The following HOMER2 variants were observed in gnomAD, a reference collection of about 807,000 sequenced individuals.
HOMER2 encodes homer scaffold protein 2.
Under a neutral mutation model 47.0 loss-of-function variants are expected in HOMER2, and 27 were observed. The ratio of observed to expected loss-of-function variants is 0.57; its 90% CI spans 0.42 to 0.79. The LOEUF (loss-of-function observed/expected upper bound fraction) is 0.79, where lower values mean the gene tolerates loss of function less well. Ranked by LOEUF, HOMER2 falls within the 30% of genes least tolerant of loss-of-function variation. The probability of loss-of-function intolerance (pLI) is 0.00; values close to 1 mark genes in which losing one functional copy is unlikely to be tolerated. For missense variants in HOMER2, 443 were observed against 435.0 expected (o/e 1.02, Z -0.16); for synonymous variants, 161 against 163.8 (o/e 0.98, Z 0.13).
intron 1 of HOMER2, among the ~76,000 whole-genome samples, chr15:82,900,486 AC>A (rs2053080418): frequency 1.3e-5 from 2 of 151,830 alleles, no homozygotes; most frequent in African/African-American, 4.8e-5. Context: ...TCACTGGAAA[AC>A]TCTATGTGAG....
chr15:82,983,621 C>T (rs970613905), intron 1 of HOMER2, among the ~76,000 whole-genome samples: 1 of 151,812 alleles, frequency 6.6e-6, no homozygotes, highest in African/African-American at 2.4e-5. Flanking sequence ...TGGAGTCTCA[C>T]TCTGTCGCCC....
chr15:82,921,004 A>G (rs558225132), intron 1 of HOMER2, among the ~76,000 whole-genome samples: 1 of 152,286 alleles, frequency 6.6e-6, no homozygotes, highest in East Asian at 1.9e-4. Flanking sequence ...CTTAAAAAAA[A>G]TGATTTTCAG....
intron 3 of HOMER2, among the ~76,000 whole-genome samples, chr15:82,866,662 G>A (rs752079933): frequency 1.1e-4 from 17 of 152,252 alleles, no homozygotes; most frequent in South Asian, 2.1e-4. Context: ...TCATCGGGGC[G>A]GGTCTCTCCT....
At chr15:82,915,153 A>G (rs1395091511) in intron 1 of HOMER2, among the ~76,000 whole-genome samples, 2 of 152,032 alleles carry the variant, frequency 1.3e-5, no homozygotes, top group African/African-American at 4.8e-5. Context: ...GAAAAAAAAA[A>G]AAAATCAACT....
intron 1 of HOMER2, among the ~76,000 whole-genome samples, chr15:82,977,035 T>A (rs1049976851): frequency 6.6e-6 from 1 of 152,066 alleles, no homozygotes; most frequent in Admixed American, 6.6e-5. Flanking sequence ...AGAAATATAT[T>A]GTATAGCAAT....
chr15:82,906,998 C>G (rs1046493623), intron 1 of HOMER2, among the ~76,000 whole-genome samples: 1 of 152,110 alleles, frequency 6.6e-6, no homozygotes, highest in Non-Finnish European at 1.5e-5. Flanking sequence ...GACAGAACTA[C>G]AAGAAAAAAA....
downstream of HOMER2, among the ~76,000 whole-genome samples, chr15:82,848,622 T>C (rs2051290027): frequency 6.6e-6 from 1 of 152,202 alleles, no homozygotes; most frequent in South Asian, 2.1e-4. Context: ...CCCCCCGAAA[T>C]GCCTGTGATT....
intron 5 of HOMER2, 29 bp from the exon 6 acceptor site, chr15:82,854,829 G>A (rs77727869): frequency 8.1e-6 from 13 of 1,596,576 alleles, no homozygotes; most frequent in African/African-American, 5.3e-5. Context: ...CGGTGACGAC[G>A]GGGTGGGTGC....
intron 1 of HOMER2, among the ~76,000 whole-genome samples, chr15:82,959,813 A>T (rs1849997355): frequency 6.6e-6 from 1 of 152,214 alleles, no homozygotes; most frequent in African/African-American, 2.4e-5. Flanking sequence ...AACAAAAAGG[A>T]GGACACCCAG....
chr15:82,981,859 A>G (rs527494908), intron 1 of HOMER2, among the ~76,000 whole-genome samples: 1 of 152,320 alleles, frequency 6.6e-6, no homozygotes, highest in Admixed American at 6.5e-5. Context: ...AGAGGAAAAT[A>G]CAGTTATGGT....
At chr15:82,859,673 C>G (rs2051708815) in intron 4 of HOMER2, among the ~76,000 whole-genome samples, 1 of 152,180 alleles carries the variant, frequency 6.6e-6, no homozygotes, top group Non-Finnish European at 1.5e-5. Context: ...GTTGTTTGCC[C>G]ACTCCCTTAC....
intron 3 of HOMER2, among the ~76,000 whole-genome samples, chr15:82,874,072 T>G (rs1309315194): frequency 6.6e-6 from 1 of 152,218 alleles, no homozygotes; most frequent in Non-Finnish European, 1.5e-5. Context: ...TAGGCAACTC[T>G]GTCAATTCCC....
At chr15:82,917,108 T>C (rs963532353) in intron 1 of HOMER2, among the ~76,000 whole-genome samples, 3 of 152,214 alleles carry the variant, frequency 2.0e-5, no homozygotes, top group Non-Finnish European at 4.4e-5. Flanking sequence ...CCCAGAGCCC[T>C]CATTTTACAA....
chr15:82,840,326 A>G (rs1301103564), exon 2 of HOMER2: 1 of 152,224 alleles, frequency 6.6e-6, no homozygotes. Flanking sequence ...AAGATCAATG[A>G]AACAGAGTAA....
chr15:82,945,019 C>T (rs541127789), intron 1 of HOMER2, among the ~76,000 whole-genome samples: 6 of 152,146 alleles, frequency 3.9e-5, no homozygotes, highest in African/African-American at 1.2e-4. Context: ...AGCTGGGTCT[C>T]GGTCCACCAA....
intron 1 of HOMER2, among the ~76,000 whole-genome samples, chr15:82,945,662 AAAAG>A (rs1245339532): frequency 6.6e-6 from 1 of 152,212 alleles, no homozygotes; most frequent in Non-Finnish European, 1.5e-5. Flanking sequence ...TGTTAAAAAA[AAAAG>A]AAAAAGAAAA....
At chr15:82,888,651 C>G (rs2052615268) in intron 2 of HOMER2, among the ~76,000 whole-genome samples, 1 of 70,792 alleles carries the variant, frequency 1.4e-5, no homozygotes, top group Non-Finnish European at 2.5e-5. Flanking sequence ...GGGAGTGATC[C>G]GATTTTCCAG....
chr15:82,941,550 C>T (rs544655598), intron 1 of HOMER2, among the ~76,000 whole-genome samples: 8 of 151,522 alleles, frequency 5.3e-5, no homozygotes, highest in Non-Finnish European at 8.8e-5. Context: ...CAGTATAGTG[C>T]GCTCCTGCCA....
rs149991618 is a variant in HOMER2 at position 82,879,333 on chromosome 15, T to C, written c.163-3929A>G. ...CAACATGGCAAAACCCCATCTCGAC[T>C]AAAAATACAAAAATTAGCAGGGCAT... is the stretch of plus-strand genomic sequence containing the variant. On this transcript the variant is annotated intron_variant, in intron 2 of 8. Coordinates refer to ENST00000450735, the MANE Select transcript of HOMER2 (RefSeq NM_004839.4). 8.6e-3 allele frequency among the ~76,000 whole-genome samples: 1,306 copies of C among 152,182 alleles called. 19 individuals carry two copies. The highest frequency in any genetic ancestry group is 0.03 in the African/African-American group (1,239 of 41,534).
Sources: allele counts gnomAD v4.1 joint callset (sites outside exome capture counted in the v4.1 genomes callset), GRCh38; gene constraint gnomAD v4.1.1; transcripts MANE v1.5; gene names NCBI Gene and HGNC (gene_info 2026-07-23, HGNC 2026-07-21).